The following NCBP2 variants were observed in gnomAD, a reference collection of about 807,000 sequenced individuals.
NCBP2 encodes nuclear cap binding protein subunit 2, also known as nuclear cap-binding protein subunit 2.
Under a neutral mutation model 21.5 loss-of-function variants are expected in NCBP2, and 8 were observed. The ratio of observed to expected loss-of-function variants is 0.37; its 90% confidence interval spans 0.22 to 0.67. The LOEUF is 0.67. Among genes scored for constraint, NCBP2 ranks in the 30% least tolerant of loss-of-function variants. NCBP2 has a pLI of 0.56. For missense variants in NCBP2, 127 were observed against 206.9 expected (o/e 0.61, Z 2.37); for synonymous variants, 92 against 75.8 (o/e 1.21, Z -1.11).
intron 1 of NCBP2, chr3:196,939,870 G>C (rs1716446449): frequency 6.4e-6 from 1 of 155,066 alleles, no homozygotes; most frequent in African/African-American, 2.4e-5. Flanking sequence ...CCTAGAGACT[G>C]TTGAAAGCCA....
intron 1 of NCBP2, chr3:196,939,752 G>C (rs1716440564): frequency 4.0e-6 from 1 of 251,942 alleles, no homozygotes; most frequent in African/African-American, 2.2e-5. Context: ...TTAAACCCAA[G>C]TGTAGACTCT....
chr3:196,937,479 A>G (rs1414712864), intron 3 of NCBP2, 31 bp downstream of exon 3: 36 of 1,610,794 alleles, frequency 2.2e-5, no homozygotes, highest in East Asian at 6.7e-5. Context: ...ATCCCAGGCA[A>G]TGGCTGAGCC....
At chr3:196,937,761 G>C (rs1360425798) in intron 2 of NCBP2, 113 bp from the exon 3 acceptor site, 2 of 1,339,910 alleles carry the variant, frequency 1.5e-6, no homozygotes, top group East Asian at 2.3e-5. Flanking sequence ...ACCAGATGGA[G>C]TTCAAAGACA....
chr3:196,936,928 G>A lies in NCBP2; in HGVS notation c.*83C>T. 2 of 1,265,640 alleles carry A rather than the reference G, an allele frequency of 1.6e-6. No homozygotes were observed. Among genetic ancestry groups the A allele is most frequent in the Non-Finnish European group, 2.3e-6 (2 of 863,216 alleles). The allele number at this position is 1,265,640 out of a possible 1,614,324, so 78.4% of individuals were successfully genotyped here. A position where few individuals can be genotyped will look rare whatever the true frequency, so the allele number is the denominator to read the frequency against. On this transcript the variant is annotated 3_prime_UTR_variant, in exon 4 of 4. Transcript: ENST00000321256. ...ACTGATCAAATCTTGGTAAAAATGGGCTCGTGTGCAGACTTTAGGTGATGT... is the reference window on the plus strand; with the variant it reads ...ACTGATCAAATCTTGGTAAAAATGGACTCGTGTGCAGACTTTAGGTGATGT...
At chr3:196,938,599 A>T (rs1716376836) in intron 2 of NCBP2, 1 of 152,336 alleles carries the variant, frequency 6.6e-6, no homozygotes, top group African/African-American at 2.4e-5. Context: ...GGTTATATAC[A>T]TCTATATAAT....
Position 196,935,812 on chromosome 3 carries a change from G to A in NCBP2, c.*1199C>T, listed in dbSNP as rs943460640. ...AATGAGCAATAACTCAGATATATTA[G>A]AGAGAAATCACCTCTTGCCTTACAA... On this transcript the variant is annotated 3_prime_UTR_variant, in exon 4 of 4. Coordinates refer to ENST00000321256, the MANE Select transcript of NCBP2 (RefSeq NM_007362.5). 1 of 151,868 alleles carries A rather than the reference G, an allele frequency of 6.6e-6. No individual in the cohort carries two copies. The highest frequency in any genetic ancestry group is 1.5e-5 in the Non-Finnish European group (1 of 67,996). The allele number at this position is 151,868 out of a possible 1,614,324, so 9.4% of individuals were successfully genotyped here. A position where few individuals can be genotyped will look rare whatever the true frequency, so the allele number is the denominator to read the frequency against.
intron 1 of NCBP2, among the ~76,000 whole-genome samples, chr3:196,940,368 A>G (rs1716479380): frequency 7.0e-6 from 1 of 143,730 alleles, no homozygotes; most frequent in Non-Finnish European, 1.5e-5. Context: ...GTGAAACTCT[A>G]TCTCAAAAAA....
Position 196,942,479 on chromosome 3 carries a change from G to A in NCBP2, c.25C>T (p.Leu9=), listed in dbSNP as rs777314085. The A allele has an allele frequency of 3.7e-6, 6 of 1,613,174 alleles. No individual in the cohort carries two copies. In the South Asian group the frequency reaches 4.4e-5, roughly 12 times the overall value. MSGGLLKA[L]RSDSYVELSQ... ...AGCTCCACGTAGGAGTCGCTGCGCA[G>A]CGCCTTCAGGAGGCCACCCGACATA... is the stretch of plus-strand genomic sequence containing the variant. The change falls in exon 1 of 4, where the codon CTG becomes TTG. Residue 9 remains leucine, a synonymous_variant. Transcript: ENST00000321256.
In NCBP2 at chr3:196,938,951, G is replaced by C. The variant is rs115253395; in HGVS notation, c.260+300C>G. 3.6e-3 allele frequency: 910 copies of C among 251,012 alleles called. 1 individual carries two copies. Among genetic ancestry groups the C allele is most frequent in the African/African-American group, 0.019 (846 of 44,904 alleles). The allele number at this position is 251,012 out of a possible 1,614,324, so 15.5% of individuals were successfully genotyped here. ...GGTAACTGACTGCCTCTGGCAAAGG[G>C]CATTAGGGGTTTAGAACAGTACGAG... On this transcript the variant is annotated intron_variant, in intron 2 of 3. Transcript: ENST00000321256.
In NCBP2 at chr3:196,936,077, A is replaced by T. The variant is rs1716248722; in HGVS notation, c.*934T>A. On this transcript the variant is annotated 3_prime_UTR_variant, in exon 4 of 4. Transcript: ENST00000321256. ...AACTTGCTGGTCCTCATGTCAAGGC[A>T]GTGTTTTCATTGTCTCTTGATATTT... is the stretch of plus-strand genomic sequence containing the variant. The T allele has an allele frequency of 6.6e-6, 1 of 152,232 alleles. No homozygotes were observed. 9.4% of individuals were successfully genotyped at this position (152,232 alleles called of 1,614,324 possible). A position where few individuals can be genotyped will look rare whatever the true frequency, so the allele number is the denominator to read the frequency against.
chr3:196,942,041 C>T, intron 1 of NCBP2: 1 of 1,535,068 alleles, frequency 6.5e-7, no homozygotes, highest in Non-Finnish European at 8.7e-7. Flanking sequence ...GCATCTGCAT[C>T]AGGAAGGCGC....
chr3:196,939,538 T>G, intron 1 of NCBP2, 106 bp from the exon 2 acceptor site: 1 of 885,788 alleles, frequency 1.1e-6, no homozygotes, highest in Non-Finnish European at 1.7e-6. Context: ...GGAAATCAAC[T>G]TCTCTCATCC....
Position 196,939,232 on chromosome 3 carries a change from A to G in NCBP2, c.260+19T>C, listed in dbSNP as rs1475270854. ...TCTACCCTGGTTCAGCAGCTACATT[A>G]GATCCATGGGAAGGATACTCCACAA... is the stretch of plus-strand genomic sequence containing the variant. On this transcript the variant is annotated intron_variant, in intron 2 of 3. Coordinates refer to ENST00000321256, the MANE Select transcript of NCBP2 (RefSeq NM_007362.5). The G allele has an allele frequency of 6.2e-7, 1 of 1,604,800 alleles. No homozygotes were observed. Among genetic ancestry groups the G allele is most frequent in the Non-Finnish European group, 8.5e-7 (1 of 1,171,628 alleles).
Position 196,941,645 on chromosome 3 carries a change from G to T in NCBP2, c.78+781C>A, listed in dbSNP as rs527514792. ...GATTTGGCGACAGCACTCGATAAAC[G>T]TTTACTAAATAATTGGGTTAATGAG... On this transcript the variant is annotated intron_variant, in intron 1 of 3. Coordinates refer to ENST00000321256, the MANE Select transcript of NCBP2 (RefSeq NM_007362.5). The T allele has an allele frequency of 5.7e-6, 3 of 523,660 alleles. No individual in the cohort carries two copies. In the African/African-American group the frequency reaches 5.8e-5, roughly 10 times the overall value. The allele number at this position is 523,660 out of a possible 1,614,324, so 32.4% of individuals were successfully genotyped here.
chr3:196,939,583 AT>A, intron 1 of NCBP2, 151 bp from the exon 2 acceptor site: 1 of 668,670 alleles, frequency 1.5e-6, no homozygotes, highest in Non-Finnish European at 2.5e-6. Flanking sequence ...AAAAAGGGGG[AT>A]GTCGACCTTC....
In NCBP2 at chr3:196,937,559, G is replaced by A. The variant is rs757669361; in HGVS notation, c.350C>T (p.Ala117Val). The change falls in exon 3 of 4, where the codon GCA (alanine) becomes GTA (valine). Residue 117 changes from alanine (A) to valine (V), a missense_variant. Physicochemically the swap from Ala to Val is moderately conservative, Grantham distance 64. Transcript: ENST00000321256. ...DDRIIRTDWD[A>V]GFKEGRQYGR... ...GTATTGCCTGCCCTCCTTAAAGCCT[G>A]CGTCCCAGTCTGTGCGAATGATTCG... 2.3e-5 allele frequency: 37 copies of A among 1,614,168 alleles called. No individual in the cohort carries two copies. The highest frequency in any genetic ancestry group is 3.1e-5 in the Non-Finnish European group (36 of 1,180,034).
At chr3:196,942,163 T>C in intron 1 of NCBP2, 5 of 1,460,054 alleles carry the variant, frequency 3.4e-6, no homozygotes, top group Non-Finnish European at 4.5e-6. Flanking sequence ...CTCAAACCTC[T>C]CGGCACTGGC....
In NCBP2 at chr3:196,937,665, C is replaced by T. The variant is rs150623040; in HGVS notation, c.261-17G>A. 1 of 1,610,718 alleles carries T rather than the reference C, an allele frequency of 6.2e-7. No individual in the cohort carries two copies. Among genetic ancestry groups the T allele is most frequent in the Non-Finnish European group, 8.5e-7 (1 of 1,177,894 alleles). ...GAGTAATATCTTAAGTATTAAGGAA[C>T]ACTAGCATTTTTCCAAACATTTCTG... On this transcript the variant is annotated splice_polypyrimidine_tract_variant and intron_variant, in intron 2 of 3. Coordinates refer to ENST00000321256, the MANE Select transcript of NCBP2 (RefSeq NM_007362.5).
intron 1 of NCBP2, chr3:196,940,012 C>T (rs1716455631): frequency 6.6e-6 from 1 of 152,346 alleles, no homozygotes; most frequent in African/African-American, 2.4e-5. Flanking sequence ...AAGCCAGAGA[C>T]TTAAGCATAT....
Sources: gnomAD v4.1 joint callset for allele counts (sites outside exome capture counted in the v4.1 genomes callset) on GRCh38, gnomAD v4.1.1 for gene constraint, MANE v1.5 for transcripts, NCBI Gene and HGNC (gene_info 2026-07-23, HGNC 2026-07-21) for gene names.